Variants in COL19A1 observed in about 807,000 individuals in gnomAD.
The protein encoded by COL19A1 is collagen type XIX alpha 1 chain.
A neutral mutation model predicts 190.2 loss-of-function variants in COL19A1; 159 were observed. The observed-to-expected ratio is 0.84, with a 90% CI of 0.73 to 0.95. The LOEUF is 0.95. COL19A1 is among the 40% of genes least tolerant of loss of function. COL19A1 has a pLI of 0.00. For synonymous variants in COL19A1, 509 were observed against 458.9 expected, an observed-to-expected ratio of 1.11 and a Z score of -1.39; for missense variants, 1,418 against 1,431.9, an observed-to-expected ratio of 0.99 and a Z score of 0.16.
At chr6:70,168,970 C>A (rs140147962) in intron 40 of COL19A1, among the ~76,000 whole-genome samples, 1 of 152,042 alleles carries the variant, frequency 6.6e-6, no homozygotes, top group Non-Finnish European at 1.5e-5. Context: ...GGGGCACTTT[C>A]TTCTAATAGC....
chr6:70,018,319 G>A (rs2150100105), intron 11 of COL19A1, among the ~76,000 whole-genome samples: 1 of 152,220 alleles, frequency 6.6e-6, no homozygotes, highest in Non-Finnish European at 1.5e-5. Context: ...GAGAGTAAAA[G>A]CAGAAGTCAT....
chr6:70,032,254 G>C (rs1000485138), intron 12 of COL19A1, among the ~76,000 whole-genome samples: 1 of 152,160 alleles, frequency 6.6e-6, no homozygotes, highest in Non-Finnish European at 1.5e-5. Context: ...TTAAGGGTGA[G>C]AGATTCTCTC....
At chr6:70,000,314 T>C (rs1222389759) in intron 11 of COL19A1, among the ~76,000 whole-genome samples, 1 of 152,234 alleles carries the variant, frequency 6.6e-6, no homozygotes, top group East Asian at 1.9e-4. Context: ...CTGTAAGTAG[T>C]GCTGCAATAA....
chr6:70,124,294 A>G (rs1167539665), intron 17 of COL19A1, among the ~76,000 whole-genome samples: 1 of 152,174 alleles, frequency 6.6e-6, no homozygotes, highest in African/African-American at 2.4e-5. Flanking sequence ...TCACAGTGTC[A>G]GCTACAAAAA....
At chr6:70,083,676 A>T (rs955328900) in intron 15 of COL19A1, among the ~76,000 whole-genome samples, 1 of 152,242 alleles carries the variant, frequency 6.6e-6, no homozygotes, top group Non-Finnish European at 1.5e-5. Flanking sequence ...CCTTGTAATA[A>T]TTAAGAGAAA....
At position 69,900,311 on chromosome 6, in the gene COL19A1, G is replaced by T. The variant is rs565326848; in HGVS notation, c.239G>T (p.Gly80Val). Residue 80 changes from glycine (G) to valine (V), a missense_variant, in exon 4 of 51, where the codon GGA becomes GTA. Gly to Val is a moderately radical substitution (Grantham distance 109, BLOSUM62 -3). Transcript: ENST00000620364. ...AGTGATAAAACCTGTTTCAAATTGGGAAGTGCACTTCTTATTAGAGACACT... is the reference window on the plus strand; with the variant it reads ...AGTGATAAAACCTGTTTCAAATTGGTAAGTGCACTTCTTATTAGAGACACT... ...CESDKTCFKL[G>V]SALLIRDTIK... 1 of 1,587,908 alleles carries T rather than the reference G, an allele frequency of 6.3e-7. No homozygotes were observed. The highest frequency in any genetic ancestry group is 1.2e-5 in the South Asian group (1 of 85,870).
chr6:70,170,480 A>G (rs539256231), intron 40 of COL19A1, among the ~76,000 whole-genome samples: 2 of 152,304 alleles, frequency 1.3e-5, no homozygotes, highest in South Asian at 4.1e-4. Context: ...TGAATTTATT[A>G]TCTTCTGAGG....
intron 15 of COL19A1, among the ~76,000 whole-genome samples, chr6:70,091,699 G>A (rs1782935953): frequency 6.6e-6 from 1 of 152,098 alleles, no homozygotes; most frequent in Admixed American, 6.6e-5. Flanking sequence ...TCTGCCTTTA[G>A]GATACTTCCC....
chr6:69,997,748 C>T (rs776404324), intron 11 of COL19A1, among the ~76,000 whole-genome samples: 1 of 151,880 alleles, frequency 6.6e-6, no homozygotes, highest in African/African-American at 2.4e-5. Flanking sequence ...TTCTGTGAGA[C>T]GACATCAAGC....
Position 70,199,596 on chromosome 6 carries a change from C to T in COL19A1, c.3095-12C>T. The T allele has an allele frequency of 1.4e-6, 2 of 1,481,394 alleles. No individual in the cohort carries two copies. Among genetic ancestry groups the T allele is most frequent in the Non-Finnish European group, 1.8e-6 (2 of 1,109,058 alleles). 91.8% of individuals were successfully genotyped at this position (1,481,394 alleles called of 1,614,324 possible). A position where few individuals can be genotyped will look rare whatever the true frequency, so the allele number is the denominator to read the frequency against. On this transcript the variant is annotated splice_polypyrimidine_tract_variant and intron_variant, in intron 48 of 50. Transcript: ENST00000620364. ...GTTCTATGATATATTATTTTTTCTT[C>T]TATACATGAAGAGAGGATGGCTGTA...
At chr6:69,875,027 C>T (rs1042222106) in intron 1 of COL19A1, among the ~76,000 whole-genome samples, 2 of 152,090 alleles carry the variant, frequency 1.3e-5, no homozygotes, top group African/African-American at 2.4e-5. Context: ...AGATATAGTC[C>T]CTGCTCTCAT....
intron 19 of COL19A1, among the ~76,000 whole-genome samples, chr6:70,137,976 C>T (rs945338908): frequency 1.2e-4 from 18 of 152,166 alleles, no homozygotes; most frequent in African/African-American, 4.3e-4. Context: ...CACCTGCATA[C>T]TTCAAATGAT....
At chr6:69,964,837 T>C (rs1774999828) in intron 11 of COL19A1, among the ~76,000 whole-genome samples, 1 of 152,220 alleles carries the variant, frequency 6.6e-6, no homozygotes, top group Non-Finnish European at 1.5e-5. Flanking sequence ...TTATGTTACT[T>C]TGATTGGTGC....
intron 11 of COL19A1, among the ~76,000 whole-genome samples, chr6:70,002,209 C>G (rs951956938): frequency 1.3e-5 from 2 of 152,084 alleles, no homozygotes; most frequent in African/African-American, 4.8e-5. Flanking sequence ...ATCCCAGGGA[C>G]GAAGCCAACT....
intron 15 of COL19A1, among the ~76,000 whole-genome samples, chr6:70,088,204 A>G (rs190044055): frequency 4.6e-5 from 7 of 152,220 alleles, no homozygotes; most frequent in Admixed American, 4.6e-4. Flanking sequence ...AAATGTATAT[A>G]TTTCTCTTAA....
chr6:70,180,608 G>A, intron 44 of COL19A1, 85 bp downstream of exon 44: 1 of 1,420,544 alleles, frequency 7.0e-7, no homozygotes, highest in African/African-American at 1.4e-5. Flanking sequence ...GAAATTCTGA[G>A]ATTTGAATAA....
chr6:69,957,905 A>T (rs574002234), intron 9 of COL19A1, among the ~76,000 whole-genome samples: 1 of 152,204 alleles, frequency 6.6e-6, no homozygotes, highest in Admixed American at 6.5e-5. Context: ...CACATTTCCT[A>T]TGAGATAATC....
chr6:70,070,973 G>C (rs1029801541), intron 15 of COL19A1, among the ~76,000 whole-genome samples: 2 of 152,052 alleles, frequency 1.3e-5, no homozygotes, highest in Non-Finnish European at 2.9e-5. Flanking sequence ...TATCATTAAG[G>C]CTATTTAAAT....
intron 16 of COL19A1, among the ~76,000 whole-genome samples, chr6:70,111,217 G>T (rs182246803): frequency 7.2e-5 from 11 of 152,256 alleles, no homozygotes; most frequent in African/African-American, 2.6e-4. Flanking sequence ...AGGTCCTGAT[G>T]AATAAGGAGC....
Sources: allele counts gnomAD v4.1 joint callset (sites outside exome capture counted in the v4.1 genomes callset), GRCh38; gene constraint gnomAD v4.1.1; transcripts MANE v1.5; gene names NCBI Gene and HGNC (gene_info 2026-07-23, HGNC 2026-07-21).